The following SLC39A11 variants were observed in gnomAD, a reference collection of about 807,000 sequenced individuals.
SLC39A11 encodes the protein zinc transporter ZIP11.
Under a neutral mutation model 36.1 loss-of-function variants are expected in SLC39A11, and 33 were observed. That is an observed-to-expected ratio of 0.91 (90% CI 0.69 to 1.22). The LOEUF (loss-of-function observed/expected upper bound fraction) is 1.22, where lower values mean the gene tolerates loss of function less well. SLC39A11 is among the 50% of genes most tolerant of loss of function. The pLI is 0.00. For missense variants in SLC39A11, 432 were observed against 430.3 expected, an observed-to-expected ratio of 1.00 and a Z score of -0.03; for synonymous variants, 166 against 170.3, an observed-to-expected ratio of 0.97 and a Z score of 0.20.
Position 72,880,776 on chromosome 17 carries a change from G to A in SLC39A11, c.431-30972C>T, listed in dbSNP as rs183245162. Among the ~76,000 whole-genome samples the A allele has an allele frequency of 3.2e-3, 489 of 151,186 alleles. 2 individuals are homozygous for A. The highest frequency in any genetic ancestry group is 0.01 in the Middle Eastern group (3 of 294). On this transcript the variant is annotated intron_variant, in intron 5 of 9. Transcript: ENST00000255559. ...AGCTCACTGCAAGCTCTGCCTTCTG[G>A]GTTCATGCCATTCTCCTGCCTCAGC... is the stretch of plus-strand genomic sequence containing the variant.
chr17:72,845,185 CTCAAG>C (rs1331035161), intron 6 of SLC39A11, among the ~76,000 whole-genome samples: 6 of 152,222 alleles, frequency 3.9e-5, no homozygotes, highest in Admixed American at 2.6e-4. Flanking sequence ...ACTTTCAAAG[CTCAAG>C]TCAAGTCATA....
At chr17:72,741,484 A>G (rs2074701216) in intron 6 of SLC39A11, among the ~76,000 whole-genome samples, 1 of 152,220 alleles carries the variant, frequency 6.6e-6, no homozygotes, top group Non-Finnish European at 1.5e-5. Flanking sequence ...CTAGACTAGT[A>G]TCGACACATA....
At chr17:73,008,164 T>TG (rs777708386) in intron 4 of SLC39A11, among the ~76,000 whole-genome samples, 16 of 27,456 alleles carry the variant, frequency 5.8e-4, no homozygotes, top group African/African-American at 9.5e-4. Context: ...GTTTTTTTTT[T>TG]GTTTTTTTTT....
At chr17:72,748,328 A>G (rs1168776570) in intron 6 of SLC39A11, among the ~76,000 whole-genome samples, 1 of 151,898 alleles carries the variant, frequency 6.6e-6, no homozygotes, top group Admixed American at 6.6e-5. Flanking sequence ...TCTCAAAAAA[A>G]AAAAATTCTT....
At chr17:73,081,632 TACACACACACACAC>T (rs57284292) in intron 3 of SLC39A11, among the ~76,000 whole-genome samples, 12 of 110,648 alleles carry the variant, frequency 1.1e-4, no homozygotes, top group African/African-American at 2.3e-4. Flanking sequence ...TATATATACA[TACACACACACACAC>T]ACACACACAC....
chr17:72,999,257 GTC>G, intron 4 of SLC39A11, among the ~76,000 whole-genome samples: 1 of 152,270 alleles, frequency 6.6e-6, no homozygotes, highest in Non-Finnish European at 1.5e-5. Context: ...CTTTTTAACT[GTC>G]TCTCATTCTC....
intron 5 of SLC39A11, among the ~76,000 whole-genome samples, chr17:72,859,065 T>C (rs1399895787): frequency 6.6e-6 from 1 of 152,232 alleles, no homozygotes; most frequent in Non-Finnish European, 1.5e-5. Flanking sequence ...GGCAGCCTTG[T>C]CTTGCTCTGG....
At chr17:72,787,783 T>A (rs2076570790) in intron 6 of SLC39A11, among the ~76,000 whole-genome samples, 1 of 152,212 alleles carries the variant, frequency 6.6e-6, no homozygotes, top group Non-Finnish European at 1.5e-5. Context: ...ACATTTCTGC[T>A]GACCCCAAAG....
chr17:72,653,419 G>A (rs528839464), intron 7 of SLC39A11, among the ~76,000 whole-genome samples: 6 of 142,772 alleles, frequency 4.2e-5, no homozygotes, highest in Admixed American at 2.8e-4. Context: ...TTTTTGTTTT[G>A]GTTTTTCTTT....
chr17:73,025,886 AGGCATCC>A (rs1283021574), intron 4 of SLC39A11, among the ~76,000 whole-genome samples: 16 of 152,056 alleles, frequency 1.1e-4, no homozygotes, highest in Admixed American at 5.2e-4. Context: ...AGGCTGAGGC[AGGCATCC>A]GCCTGCCTGA....
At chr17:73,007,657 G>C (rs1221130335) in intron 4 of SLC39A11, among the ~76,000 whole-genome samples, 1 of 152,162 alleles carries the variant, frequency 6.6e-6, no homozygotes, top group Non-Finnish European at 1.5e-5. Flanking sequence ...TGGAGGACTG[G>C]CCTGAGCCCA....
intron 4 of SLC39A11, among the ~76,000 whole-genome samples, chr17:72,971,082 G>C (rs1310086095): frequency 6.6e-6 from 1 of 152,094 alleles, no homozygotes; most frequent in East Asian, 1.9e-4. Context: ...CAGACCTCTT[G>C]TTTCTCCAAT....
intron 5 of SLC39A11, among the ~76,000 whole-genome samples, chr17:72,887,226 A>T (rs2081479536): frequency 6.6e-6 from 1 of 152,190 alleles, no homozygotes; most frequent in African/African-American, 2.4e-5. Context: ...GGATCAGATA[A>T]TGAATGAAGG....
chr17:73,035,796 G>A lies in SLC39A11; in HGVS notation c.148-4082C>T, dbSNP rs147689081. ...AGAGAATCACTTGAACCCAGGAGGC[G>A]GAGGTTGCAGCGAGCCAAGATCGCA... On this transcript the variant is annotated intron_variant, in intron 3 of 9. Coordinates refer to ENST00000255559, the MANE Select transcript of SLC39A11 (RefSeq NM_139177.4). Among the ~76,000 whole-genome samples the A allele has an allele frequency of 8.3e-3, 1,243 of 150,248 alleles. 16 individuals carry two copies. Among genetic ancestry groups the A allele is most frequent in the African/African-American group, 0.029 (1,167 of 40,678 alleles).
chr17:73,053,714 T>C (rs981947857), intron 3 of SLC39A11, among the ~76,000 whole-genome samples: 4 of 152,168 alleles, frequency 2.6e-5, no homozygotes, highest in Admixed American at 6.5e-5. Flanking sequence ...CCAGAATACA[T>C]GTCCACTAAT....
rs774048921 is a variant in SLC39A11 at position 72,647,541 on chromosome 17, G to A, written c.*43C>T. On this transcript the variant is annotated 3_prime_UTR_variant, in exon 10 of 10. Transcript: ENST00000255559. ...TGTCCCATAGAAGCCAACCACTGCTGTTTCTTCGTATGGCCTTTCCCGGGG... is the reference window on the plus strand; with the variant it reads ...TGTCCCATAGAAGCCAACCACTGCTATTTCTTCGTATGGCCTTTCCCGGGG... The A allele has an allele frequency of 6.4e-7, 1 of 1,572,756 alleles. No individual in the cohort carries two copies. The highest frequency in any genetic ancestry group is 8.7e-7 in the Non-Finnish European group (1 of 1,149,330).
intron 3 of SLC39A11, among the ~76,000 whole-genome samples, chr17:73,043,110 C>A (rs987957965): frequency 1.3e-5 from 2 of 152,096 alleles, no homozygotes; most frequent in Non-Finnish European, 2.9e-5. Flanking sequence ...AAAGGGGATA[C>A]CAATATTGTT....
At chr17:72,913,114 T>C (rs985764651) in intron 5 of SLC39A11, among the ~76,000 whole-genome samples, 2 of 152,162 alleles carry the variant, frequency 1.3e-5, no homozygotes, top group Non-Finnish European at 2.9e-5. Flanking sequence ...TATGCCATAT[T>C]ATATACTGGT....
At chr17:72,686,397 A>G (rs2071750441) in intron 7 of SLC39A11, among the ~76,000 whole-genome samples, 1 of 152,080 alleles carries the variant, frequency 6.6e-6, no homozygotes, top group Non-Finnish European at 1.5e-5. Flanking sequence ...CTGCACTTTC[A>G]AACAGTGCCT....
Sources: gnomAD v4.1 joint callset for allele counts (sites outside exome capture counted in the v4.1 genomes callset) on GRCh38, gnomAD v4.1.1 for gene constraint, MANE v1.5 for transcripts, NCBI Gene and HGNC (gene_info 2026-07-23, HGNC 2026-07-21) for gene names.